SH3GL2: variants seen among roughly 807,000 people sequenced by gnomAD.
SH3GL2 encodes the protein SH3 domain containing GRB2 like 2, endophilin A1, also known as endophilin-A1.
SH3GL2 carries 24 observed loss-of-function variants against 46.0 expected under a neutral mutation model. The observed-to-expected ratio is 0.52, with a 90% CI of 0.38 to 0.73. The LOEUF (loss-of-function observed/expected upper bound fraction) is 0.73. Ranked by LOEUF, SH3GL2 falls within the 30% of genes least tolerant of loss-of-function variation. The pLI, the probability that SH3GL2 is intolerant of heterozygous loss-of-function variation, is 0.00. For synonymous variants in SH3GL2, 196 were observed against 147.1 expected, an observed-to-expected ratio of 1.33 and a Z score of -2.40; for missense variants, 413 against 424.2, an observed-to-expected ratio of 0.97 and a Z score of 0.23.
At chr9:17,680,279 AGCT>A (rs764478115) in intron 1 of SH3GL2, among the ~76,000 whole-genome samples, 1 of 152,068 alleles carries the variant, frequency 6.6e-6, no homozygotes. Flanking sequence ...TTGGTTGGCA[AGCT>A]ATTAATTATT....
chr9:17,786,151 CAG>C (rs1823949409), intron 3 of SH3GL2, among the ~76,000 whole-genome samples: 1 of 152,116 alleles, frequency 6.6e-6, no homozygotes, highest in Non-Finnish European at 1.5e-5. Flanking sequence ...TCATCCAGAA[CAG>C]AATTGCTGTA....
At chr9:17,651,030 T>C (rs1819944420) in intron 1 of SH3GL2, among the ~76,000 whole-genome samples, 1 of 152,170 alleles carries the variant, frequency 6.6e-6, no homozygotes, top group Admixed American at 6.5e-5. Context: ...GTGTGGTGTG[T>C]GTGTGTGAGA....
intron 1 of SH3GL2, among the ~76,000 whole-genome samples, chr9:17,718,802 A>G (rs893861548): frequency 1.3e-5 from 2 of 152,088 alleles, no homozygotes; most frequent in South Asian, 2.1e-4. Flanking sequence ...TGGGGGCTGC[A>G]TTGTACTTTT....
intron 1 of SH3GL2, among the ~76,000 whole-genome samples, chr9:17,613,131 C>G (rs183408945): frequency 1.5e-4 from 23 of 152,098 alleles, no homozygotes; most frequent in African/African-American, 5.1e-4. Flanking sequence ...TTTTATTGTA[C>G]AATAACATTC....
At chr9:17,607,736 T>A (rs1443580864) in intron 1 of SH3GL2, among the ~76,000 whole-genome samples, 1 of 152,224 alleles carries the variant, frequency 6.6e-6, no homozygotes, top group Non-Finnish European at 1.5e-5. Context: ...AAATTTTGAA[T>A]GGCTAAAAAT....
In SH3GL2 at chr9:17,752,254, G is replaced by A. The variant is rs3824372; in HGVS notation, c.114+5120G>A. Among the ~76,000 whole-genome samples, 7 of 152,144 alleles carry A rather than the reference G, an allele frequency of 4.6e-5. No homozygotes were observed. In the East Asian group the frequency reaches 9.7e-4, roughly 21 times the overall value. On this transcript the variant is annotated intron_variant, in intron 2 of 8. Coordinates refer to ENST00000380607, the MANE Select transcript of SH3GL2 (RefSeq NM_003026.5). Reference sequence around the variant, plus strand: ...TGCCAGACAGACCTTCCCAGGACACGGTTTTCATCATGTCTCTGTGATTGT... The same window carrying A: ...TGCCAGACAGACCTTCCCAGGACACAGTTTTCATCATGTCTCTGTGATTGT...
At chr9:17,706,671 A>T (rs958701726) in intron 1 of SH3GL2, among the ~76,000 whole-genome samples, 4 of 152,038 alleles carry the variant, frequency 2.6e-5, no homozygotes, top group African/African-American at 9.7e-5. Context: ...ATTTTGGTTT[A>T]TGAAGAAAGA....
At chr9:17,599,215 G>T (rs989437787) in intron 1 of SH3GL2, among the ~76,000 whole-genome samples, 7 of 152,110 alleles carry the variant, frequency 4.6e-5, no homozygotes, top group African/African-American at 1.7e-4. Flanking sequence ...TTGAAATGGG[G>T]AATACTTTCT....
At chr9:17,617,803 G>C (rs1819039230) in intron 1 of SH3GL2, among the ~76,000 whole-genome samples, 1 of 152,116 alleles carries the variant, frequency 6.6e-6, no homozygotes. Flanking sequence ...TGCTTAAAGT[G>C]AGAAATAGCG....
intron 1 of SH3GL2, among the ~76,000 whole-genome samples, chr9:17,621,751 G>A (rs1411167710): frequency 6.6e-6 from 1 of 152,204 alleles, no homozygotes; most frequent in Admixed American, 6.5e-5. Context: ...GTGGTAAGTG[G>A]TGGAGAGTTA....
chr9:17,661,677 T>C (rs1275041791), intron 1 of SH3GL2, among the ~76,000 whole-genome samples: 2 of 152,224 alleles, frequency 1.3e-5, no homozygotes, highest in African/African-American at 4.8e-5. Flanking sequence ...CCTTGGGGTA[T>C]TGATGTAATC....
chr9:17,610,618 G>T (rs1421454045), intron 1 of SH3GL2, among the ~76,000 whole-genome samples: 2 of 152,102 alleles, frequency 1.3e-5, no homozygotes, highest in African/African-American at 4.8e-5. Context: ...AGGGTGTAAG[G>T]ATCCCTGGCT....
chr9:17,612,244 G>A (rs1028595), intron 1 of SH3GL2, among the ~76,000 whole-genome samples: 134,908 of 152,212 alleles, frequency 0.89, 62,057 homozygotes, highest in East Asian at 1. Flanking sequence ...AAGCCCTTCC[G>A]GGAGTGTGCC....
chr9:17,758,892 C>G (rs373695927), intron 2 of SH3GL2, among the ~76,000 whole-genome samples: 2 of 152,122 alleles, frequency 1.3e-5, no homozygotes, highest in African/African-American at 2.4e-5. Context: ...ACAAGGGACA[C>G]TGGAATAGTT....
chr9:17,606,216 C>T (rs1272645150), intron 1 of SH3GL2, among the ~76,000 whole-genome samples: 2 of 152,082 alleles, frequency 1.3e-5, no homozygotes, highest in African/African-American at 4.8e-5. Context: ...CCTTAGCCTC[C>T]CGAGTAGCTG....
intron 1 of SH3GL2, among the ~76,000 whole-genome samples, chr9:17,629,751 C>T (rs1819375781): frequency 6.6e-6 from 1 of 152,146 alleles, no homozygotes; most frequent in Non-Finnish European, 1.5e-5. Flanking sequence ...CCAGGTTTCA[C>T]TTTTCATTGA....
intron 6 of SH3GL2, among the ~76,000 whole-genome samples, chr9:17,790,008 C>A (rs183551145): frequency 1.3e-5 from 2 of 152,156 alleles, no homozygotes; most frequent in Admixed American, 6.5e-5. Flanking sequence ...TTCTGAGGAT[C>A]TATGTATAAC....
At chr9:17,627,205 C>T (rs1819302183) in intron 1 of SH3GL2, among the ~76,000 whole-genome samples, 1 of 152,102 alleles carries the variant, frequency 6.6e-6, no homozygotes, top group South Asian at 2.1e-4. Context: ...TAGCACTCAC[C>T]AATGAGACAC....
intron 5 of SH3GL2, among the ~76,000 whole-genome samples, chr9:17,788,486 C>T (rs1313469924): frequency 6.6e-6 from 1 of 152,060 alleles, no homozygotes. Flanking sequence ...TTTCATTCTG[C>T]TCCATACATA....
Sources: gnomAD v4.1 joint callset for allele counts (sites outside exome capture counted in the v4.1 genomes callset) on GRCh38, gnomAD v4.1.1 for gene constraint, MANE v1.5 for transcripts, NCBI Gene and HGNC (gene_info 2026-07-23, HGNC 2026-07-21) for gene names.